The following PRMT8 variants were observed in gnomAD, a reference collection of about 807,000 sequenced individuals.
PRMT8 encodes the protein protein arginine N-methyltransferase 8.
Under a neutral mutation model 47.1 loss-of-function variants are expected in PRMT8, and 7 were observed. The ratio of observed to expected loss-of-function variants is 0.15; its 90% CI spans 0.08 to 0.28. PRMT8 has a LOEUF of 0.28. Among genes scored for constraint, PRMT8 ranks in the 10% least tolerant of loss-of-function variants. PRMT8 has a pLI of 1.00. For synonymous variants in PRMT8, 188 were observed against 186.5 expected, an observed-to-expected ratio of 1.01 and a Z score of -0.07; for missense variants, 237 against 505.4, an observed-to-expected ratio of 0.47 and a Z score of 5.09.
intron 4 of PRMT8, among the ~76,000 whole-genome samples, chr12:3,563,897 A>T (rs1263836638): frequency 6.6e-6 from 1 of 151,988 alleles, no homozygotes; most frequent in African/African-American, 2.4e-5. Context: ...AATTAGGACT[A>T]GTTTGAATAT....
chr12:3,450,712 T>A (rs1263970861), intron 1 of PRMT8, among the ~76,000 whole-genome samples: 1 of 152,250 alleles, frequency 6.6e-6, no homozygotes, highest in African/African-American at 2.4e-5. Context: ...ACAACTATCA[T>A]GCTTTGATAT....
intron 9 of PRMT8, among the ~76,000 whole-genome samples, chr12:3,592,840 T>G (rs1037348596): frequency 5.3e-5 from 8 of 152,166 alleles, no homozygotes; most frequent in Non-Finnish European, 1.2e-4. Flanking sequence ...CCCAATCAGT[T>G]TACTTCCAGG....
At chr12:3,411,823 G>A (rs1326080167) in intron 1 of PRMT8, among the ~76,000 whole-genome samples, 1 of 152,242 alleles carries the variant, frequency 6.6e-6, no homozygotes, top group Non-Finnish European at 1.5e-5. Context: ...CAAGGTGCCA[G>A]AACCTTCATG....
intron 1 of PRMT8, among the ~76,000 whole-genome samples, chr12:3,398,429 G>A (rs1420176263): frequency 3.3e-5 from 5 of 152,204 alleles, no homozygotes; most frequent in Admixed American, 1.3e-4. Flanking sequence ...ACTGTTTATT[G>A]TGTCAATTTA....
chr12:3,583,017 A>G lies in PRMT8; in HGVS notation c.829-41A>G, dbSNP rs769429100. On this transcript the variant is annotated intron_variant, in intron 7 of 9. Transcript: ENST00000382622. The surrounding 1 kb of genome is among the most constrained non-coding windows in gnomAD (Gnocchi z 4.7). Reference sequence around the variant, plus strand: ...GCTGACCGGGACCCAGACTTGGTGGAGGCGATAAGTTCCCGGCATTCTCTC... The same window carrying G: ...GCTGACCGGGACCCAGACTTGGTGGGGGCGATAAGTTCCCGGCATTCTCTC... The G allele has an allele frequency of 3.2e-5, 51 of 1,594,548 alleles. No homozygotes were observed. The highest frequency in any genetic ancestry group is 4.5e-5 in the South Asian group (4 of 88,378).
At position 3,508,941 on chromosome 12, in the gene PRMT8, G is replaced by A. The variant is rs578151337; in HGVS notation, c.75+17241G>A. Among the ~76,000 whole-genome samples the A allele has an allele frequency of 2.6e-5, 4 of 152,224 alleles. No homozygotes were observed. Among genetic ancestry groups the A allele is most frequent in the Non-Finnish European group, 4.4e-5 (3 of 68,024 alleles). ...TCCTTTCTCCATAACAAGACCTGGCGATTCTACATCTGAAATGTTTCTCCT... is the reference window on the plus strand; with the variant it reads ...TCCTTTCTCCATAACAAGACCTGGCAATTCTACATCTGAAATGTTTCTCCT... On this transcript the variant is annotated intron_variant, in intron 1 of 9. Transcript: ENST00000382622. The surrounding 1 kb of genome is among the most constrained non-coding windows in gnomAD (Gnocchi z 4.9).
rs1865793941 is a variant in PRMT8, at chr12:3,516,488, C to T, written c.76-24118C>T. On this transcript the variant is annotated intron_variant, in intron 1 of 9. Coordinates refer to ENST00000382622, the MANE Select transcript of PRMT8 (RefSeq NM_019854.5). ...CAGAGCTTTCATTTTATGGGGGAAA[C>T]AGACAATAAGCAAATATATGAAGTG... 1.3e-5 allele frequency among the ~76,000 whole-genome samples: 2 copies of T among 152,164 alleles called. 1 individual carries two copies. Among genetic ancestry groups the T allele is most frequent in the South Asian group, 4.1e-4 (2 of 4,834 alleles).
intron 1 of PRMT8, among the ~76,000 whole-genome samples, chr12:3,452,466 G>T (rs74057425): frequency 1.2e-4 from 19 of 152,128 alleles, no homozygotes; most frequent in African/African-American, 4.1e-4. Flanking sequence ...CCACCAGATA[G>T]ATCCGAGAAT....
chr12:3,466,220 A>T (rs1285456738), intron 1 of PRMT8, among the ~76,000 whole-genome samples: 1 of 152,190 alleles, frequency 6.6e-6, no homozygotes, highest in Non-Finnish European at 1.5e-5. Context: ...CTGGATCTGT[A>T]AACTGAGAGG....
intron 5 of PRMT8, 46 bp downstream of exon 5, chr12:3,568,894 T>C (rs1311352971): frequency 3.1e-6 from 5 of 1,610,554 alleles, no homozygotes; most frequent in Admixed American, 1.7e-5. Flanking sequence ...CTGGCTGTCC[T>C]GCTCCTCTAC....
At chr12:3,443,974 T>C (rs148117295) in intron 1 of PRMT8, among the ~76,000 whole-genome samples, 1 of 152,352 alleles carries the variant, frequency 6.6e-6, no homozygotes, top group East Asian at 1.9e-4. Context: ...CTAAACATCA[T>C]TGCTTTAAAC....
intron 1 of PRMT8, among the ~76,000 whole-genome samples, chr12:3,518,552 A>T (rs897083687): frequency 6.6e-6 from 1 of 152,176 alleles, no homozygotes; most frequent in African/African-American, 2.4e-5. Context: ...AATAATGAAA[A>T]GGGCAGCCAT....
intron 1 of PRMT8, among the ~76,000 whole-genome samples, chr12:3,526,823 A>G (rs1216085429): frequency 6.6e-6 from 1 of 152,196 alleles, no homozygotes; most frequent in Non-Finnish European, 1.5e-5. Flanking sequence ...CTTTCATCAG[A>G]ATTAACATGG....
intron 1 of PRMT8, among the ~76,000 whole-genome samples, chr12:3,499,312 C>T (rs1467559253): frequency 2.8e-5 from 3 of 107,818 alleles, no homozygotes; most frequent in Non-Finnish European, 5.5e-5. Context: ...TGTCATCTAG[C>T]ATTAGGTATA....
Position 3,456,016 on chromosome 12 carries a change from C to G in PRMT8, c.48+74574C>G, listed in dbSNP as rs918748858. Among the ~76,000 whole-genome samples the G allele has an allele frequency of 2.0e-5, 3 of 152,174 alleles. No homozygotes were observed. The highest frequency in any genetic ancestry group is 6.5e-5 in the Admixed American group (1 of 15,280). On this transcript the variant is annotated intron_variant, in intron 1 of 9. Coordinates refer to the PRMT8 transcript ENST00000452611. This position sits in a 1 kb window ranked among gnomAD's most constrained non-coding sequence, Gnocchi z 4.2. ...GGGCAAGTCCCTTAACTTCTCTGAG[C>G]CTGCGTTCTCATCTGTAAAATGAGG...
chr12:3,520,393 C>A (rs1865862181), intron 1 of PRMT8, among the ~76,000 whole-genome samples: 1 of 152,242 alleles, frequency 6.6e-6, no homozygotes, highest in South Asian at 2.1e-4. Flanking sequence ...CAGGACCCAG[C>A]CAAAGGCACC....
rs555086962 is a variant in PRMT8, at chr12:3,570,514, A to G, written c.712+950A>G. 1.2e-4 allele frequency among the ~76,000 whole-genome samples: 18 copies of G among 152,360 alleles called. No homozygotes were observed. The highest frequency in any genetic ancestry group is 3.4e-3 in the Middle Eastern group (1 of 294). ...GGTTCCTGCCCCAACAGGGTGGTCC[A>G]TTCCTACTTGGCAAGATTACTGTGG... On this transcript the variant is annotated intron_variant, in intron 6 of 9. Transcript: ENST00000382622. This position sits in a 1 kb window ranked among gnomAD's most constrained non-coding sequence, Gnocchi z 5.5.
intron 8 of PRMT8, among the ~76,000 whole-genome samples, chr12:3,584,625 C>T (rs976323378): frequency 1.2e-4 from 19 of 152,210 alleles, no homozygotes; most frequent in African/African-American, 3.1e-4. Context: ...CACCCCCAAC[C>T]CATCCCACTC....
intron 4 of PRMT8, among the ~76,000 whole-genome samples, chr12:3,565,091 T>C (rs1380252789): frequency 1.3e-5 from 2 of 152,202 alleles, no homozygotes; most frequent in East Asian, 3.8e-4. Flanking sequence ...CCAGGAAGTG[T>C]TGAAAATGAC....
Sources: allele counts gnomAD v4.1 joint callset (sites outside exome capture counted in the v4.1 genomes callset), GRCh38; gene constraint gnomAD v4.1.1; non-coding constraint Gnocchi (gnomAD v3.1); transcripts MANE v1.5; gene names NCBI Gene and HGNC (gene_info 2026-07-23, HGNC 2026-07-21).